The following C14orf39 variants were observed in gnomAD, a reference collection of about 807,000 sequenced individuals.
C14orf39 encodes protein SIX6OS1.
Under a neutral mutation model 85.6 loss-of-function variants are expected in C14orf39, and 66 were observed. The ratio of observed to expected loss-of-function variants is 0.77; its 90% CI spans 0.63 to 0.95. The LOEUF (loss-of-function observed/expected upper bound fraction) is 0.95, where lower values mean the gene tolerates loss of function less well. Ranked by LOEUF, C14orf39 falls within the 40% of genes least tolerant of loss-of-function variation. The pLI is 0.00. For synonymous variants in C14orf39, 242 were observed against 214.0 expected (o/e 1.13, Z -1.14); for missense variants, 735 against 663.9 (o/e 1.11, Z -1.18).
At chr14:60,452,960 C>G (rs191812960) in intron 16 of C14orf39, among the ~76,000 whole-genome samples, 9 of 152,174 alleles carry the variant, frequency 5.9e-5, no homozygotes, top group Non-Finnish European at 1.2e-4. Flanking sequence ...CATTAAGACT[C>G]ATTTTATGGC....
chr14:60,436,819 A>C lies in C14orf39; in HGVS notation c.*26T>G, dbSNP rs569793857. The C allele has an allele frequency of 3.2e-5, 49 of 1,508,372 alleles. No individual in the cohort carries two copies. In the South Asian group the frequency reaches 5.4e-4, roughly 17 times the overall value. The allele number at this position is 1,508,372 out of a possible 1,614,324, so 93.4% of individuals were successfully genotyped here. On this transcript the variant is annotated 3_prime_UTR_variant, in exon 18 of 18. Coordinates refer to ENST00000321731, the MANE Select transcript of C14orf39 (RefSeq NM_174978.3). ...TGCCCTCATGAACACAGAACAGTAA[A>C]ATAATTTAAGGAATTAATGACTAGC...
At chr14:60,447,681 TG>T (rs1368612065) in intron 16 of C14orf39, among the ~76,000 whole-genome samples, 2 of 152,094 alleles carry the variant, frequency 1.3e-5, no homozygotes, top group Non-Finnish European at 2.9e-5. Flanking sequence ...TTCATAGAAT[TG>T]GAAAAAACTA....
rs1022337113 is a variant in C14orf39, at chr14:60,491,402, T to C, written c.-8-6316A>G. ...GCCCTCATCACGCCTCTTAATACTA[T>C]TACATTAGGGATTAAGTTTCAACAT... is the stretch of plus-strand genomic sequence containing the variant. On this transcript the variant is annotated intron_variant, in intron 2 of 5. Coordinates refer to the C14orf39 transcript ENST00000556799. This position sits in a 1 kb window ranked among gnomAD's most constrained non-coding sequence, Gnocchi z 4.5. 1.3e-5 allele frequency among the ~76,000 whole-genome samples: 2 copies of C among 152,176 alleles called. No individual in the cohort carries two copies. Among genetic ancestry groups the C allele is most frequent in the African/African-American group, 4.8e-5 (2 of 41,436 alleles).
At chr14:60,466,867 G>C in intron 10 of C14orf39, 50 bp downstream of exon 10, 1 of 1,388,638 alleles carries the variant, frequency 7.2e-7, no homozygotes, top group Non-Finnish European at 9.4e-7. Context: ...TATTTCTTCT[G>C]TGTGTTTGCA....
Position 60,468,425 on chromosome 14 carries a change from AT to A in C14orf39, c.767+19del. 6.9e-7 allele frequency: 1 copy of A among 1,443,340 alleles called. No homozygotes were observed. The highest frequency in any genetic ancestry group is 9.5e-7 in the Non-Finnish European group (1 of 1,056,126). 89.4% of individuals were successfully genotyped at this position (1,443,340 alleles called of 1,614,324 possible). A position where few individuals can be genotyped will look rare whatever the true frequency, so the allele number is the denominator to read the frequency against. ...AAAATATCTGTTCACATAAAATTTA[AT>A]TTTAAAGGTTACCTATACCTTTCTT... On this transcript the variant is annotated intron_variant, in intron 9 of 17. Transcript: ENST00000321731.
At chr14:60,472,708 T>A (rs1015216946) in intron 5 of C14orf39, among the ~76,000 whole-genome samples, 1 of 152,186 alleles carries the variant, frequency 6.6e-6, no homozygotes, top group African/African-American at 2.4e-5. Context: ...TCCAGCTTCA[T>A]CCTTGTCCCT....
chr14:60,480,927 G>T (rs868495904), intron 4 of C14orf39, among the ~76,000 whole-genome samples: 4 of 152,134 alleles, frequency 2.6e-5, no homozygotes, highest in Non-Finnish European at 4.4e-5. Flanking sequence ...ACAGAGAGTA[G>T]AAAGGTGGTT....
chr14:60,440,208 C>G (rs1890444359), intron 17 of C14orf39, among the ~76,000 whole-genome samples: 1 of 152,232 alleles, frequency 6.6e-6, no homozygotes, highest in Non-Finnish European at 1.5e-5. Flanking sequence ...GTCTCCATCT[C>G]ATTGAATTCG....
In C14orf39 at chr14:60,437,029, G is replaced by A. The variant is rs749605464; in HGVS notation, c.1580C>T (p.Pro527Leu). Residue 527 changes from proline to leucine, a missense_variant, in exon 18 of 18, where the codon CCA (proline) becomes CTA (leucine). Pro to Leu is a moderately conservative substitution (Grantham distance 98). Transcript: ENST00000321731. Reference sequence around the variant, plus strand: ...AAATGTAAAGCCATCTTCTCCTTCTGGCTTCTCAAGTAAGTTTCCTAAGGA... The same window carrying A: ...AAATGTAAAGCCATCTTCTCCTTCTAGCTTCTCAAGTAAGTTTCCTAAGGA... ...EQEIGNLLEK[P>L]EGEDGFTFSF... The A allele has an allele frequency of 2.5e-6, 4 of 1,605,032 alleles. No homozygotes were observed. The highest frequency in any genetic ancestry group is 2.2e-5 in the East Asian group (1 of 44,672).
chr14:60,467,088 A>G, intron 9 of C14orf39, 44 bp from the exon 10 acceptor site: 1 of 1,013,306 alleles, frequency 9.9e-7, no homozygotes, highest in South Asian at 3.3e-5. Context: ...ATAAGTTAAA[A>G]TTAACATATT....
At chr14:60,512,069 A>C (rs1893303573) in intron 1 of C14orf39, 1 of 150,260 alleles carries the variant, frequency 6.7e-6, no homozygotes, top group African/African-American at 2.5e-5. Context: ...GTATGTATGC[A>C]TACACGTGAT....
chr14:60,466,211 T>C (rs1891784049), intron 10 of C14orf39, among the ~76,000 whole-genome samples, 156 bp from the exon 11 acceptor site: 1 of 152,002 alleles, frequency 6.6e-6, no homozygotes, highest in South Asian at 2.1e-4. Context: ...TTTAAAACTC[T>C]TAATTCCTTA....
intron 1 of C14orf39, among the ~76,000 whole-genome samples, chr14:60,505,990 C>A (rs1439495674): frequency 6.6e-6 from 1 of 152,216 alleles, no homozygotes; most frequent in Non-Finnish European, 1.5e-5. Flanking sequence ...CCTGGGGGCA[C>A]TTTGCCTAAA....
intron 2 of C14orf39, among the ~76,000 whole-genome samples, chr14:60,498,000 A>G (rs576511290): frequency 2.6e-5 from 4 of 152,242 alleles, no homozygotes; most frequent in Non-Finnish European, 5.9e-5. Context: ...GTCCTGGTAA[A>G]TACAGAAAAG....
At chr14:60,510,075 G>T (rs1197168480) in intron 1 of C14orf39, 2 of 1,026,696 alleles carry the variant, frequency 1.9e-6, no homozygotes, top group Non-Finnish European at 3.0e-6. Context: ...TTCAGCAGGA[G>T]TTGGGAGCGC....
At chr14:60,502,181 A>G (rs1893157422) in intron 1 of C14orf39, among the ~76,000 whole-genome samples, 1 of 152,136 alleles carries the variant, frequency 6.6e-6, no homozygotes, top group Admixed American at 6.6e-5. Context: ...CCTCCCATCT[A>G]CCTTCAGAAA....
chr14:60,469,611 G>A lies in C14orf39; in HGVS notation c.597C>T (p.Ala199=). ...RCETQDILKH[A]SNLTKSSSEL... is the part of the protein sequence containing the mutation. ...CGGATGAACTTTTGGTAAGATTGCT[G>A]GCATGTTTAAGAATATCTTGTGTTT... Residue 199 remains alanine (A), a synonymous_variant, in exon 8 of 18, where the codon GCC becomes GCT. Coordinates refer to ENST00000321731, the MANE Select transcript of C14orf39 (RefSeq NM_174978.3). 3.3e-6 allele frequency: 5 copies of A among 1,512,386 alleles called. 1 individual carries two copies. Among genetic ancestry groups the A allele is most frequent in the East Asian group, 2.4e-5 (1 of 41,566 alleles). 93.7% of individuals were successfully genotyped at this position (1,512,386 alleles called of 1,614,324 possible).
chr14:60,438,240 G>A (rs1361542391), intron 17 of C14orf39, among the ~76,000 whole-genome samples: 1 of 151,934 alleles, frequency 6.6e-6, no homozygotes, highest in African/African-American at 2.4e-5. Context: ...TAAGATGGGT[G>A]GATGGATGGA....
chr14:60,509,739 G>C, intron 1 of C14orf39: 1 of 1,613,496 alleles, frequency 6.2e-7, no homozygotes, highest in Non-Finnish European at 8.5e-7. Context: ...GACAAGTACC[G>C]AGTAAGGAAG....
Sources: allele counts gnomAD v4.1 joint callset (sites outside exome capture counted in the v4.1 genomes callset), GRCh38; gene constraint gnomAD v4.1.1; non-coding constraint Gnocchi (gnomAD v3.1); transcripts MANE v1.5; gene names NCBI Gene and HGNC (gene_info 2026-07-23, HGNC 2026-07-21).